The following KIDINS220 variants were observed in gnomAD, a reference collection of about 807,000 sequenced individuals.
KIDINS220 encodes kinase D-interacting substrate of 220 kDa.
KIDINS220 carries 63 observed loss-of-function variants against 157.6 expected under a neutral mutation model. The ratio of observed to expected loss-of-function variants is 0.40; its 90% confidence interval spans 0.33 to 0.49. The LOEUF is 0.49. KIDINS220 is among the 20% of genes least tolerant of loss of function. KIDINS220 has a pLI of 0.66. For synonymous variants in KIDINS220, 732 were observed against 783.6 expected, an observed-to-expected ratio of 0.93 and a Z score of 1.10; for missense variants, 1,772 against 2,171.2, an observed-to-expected ratio of 0.82 and a Z score of 3.65.
At position 8,785,336 on chromosome 2, in the gene KIDINS220, G is replaced by T. The variant is rs1672254852; in HGVS notation, c.2229+405C>A. Among the ~76,000 whole-genome samples the T allele has an allele frequency of 2.0e-5, 3 of 152,148 alleles. No homozygotes were observed. The South Asian group carries it at 6.2e-4, about 32-fold the overall frequency. On this transcript the variant is annotated intron_variant, in intron 17 of 29. Transcript: ENST00000256707. ...AATCTACTCTGTATAAGACTATAATGGTGGATACATGTTATACATTTGTCC... is the reference window on the plus strand; with the variant it reads ...AATCTACTCTGTATAAGACTATAATTGTGGATACATGTTATACATTTGTCC...
intron 29 of KIDINS220, among the ~76,000 whole-genome samples, chr2:8,733,024 G>C (rs775231836): frequency 6.6e-6 from 1 of 152,158 alleles, no homozygotes; most frequent in African/African-American, 2.4e-5. Context: ...GGGTGTGCAG[G>C]CGTCCTGGAA....
intron 22 of KIDINS220, among the ~76,000 whole-genome samples, chr2:8,766,897 A>G (rs1669562638): frequency 6.6e-6 from 1 of 152,334 alleles, no homozygotes; most frequent in East Asian, 1.9e-4. Context: ...CAATTGTCCA[A>G]TTTTCACAAA....
chr2:8,818,630 T>C lies in KIDINS220; in HGVS notation c.207+65A>G, dbSNP rs1323005587. The stretch of plus-strand genomic sequence containing the variant: ...TTAATTACTACTTTTGAATCACTTC[T>C]GAAAAACAAAAAAATAGCTAAGAAA... On this transcript the variant is annotated intron_variant, in intron 3 of 29. Transcript: ENST00000256707. The C allele has an allele frequency of 6.0e-6, 6 of 996,816 alleles. No homozygotes were observed. In the South Asian group the frequency reaches 9.4e-5, roughly 16 times the overall value. The allele number at this position is 996,816 out of a possible 1,614,324, so 61.7% of individuals were successfully genotyped here.
At chr2:8,756,576 T>C (rs915032056) in intron 22 of KIDINS220, among the ~76,000 whole-genome samples, 3 of 152,208 alleles carry the variant, frequency 2.0e-5, no homozygotes, top group African/African-American at 7.2e-5. Context: ...CTTGAAGTTC[T>C]GGAGGCTGGA....
chr2:8,826,874 G>A (rs1382670374), intron 2 of KIDINS220, 112 bp downstream of exon 2: 6 of 547,584 alleles, frequency 1.1e-5, no homozygotes, highest in Non-Finnish European at 2.0e-5. Context: ...TAAGTACAGT[G>A]CAGTATTACT....
intron 11 of KIDINS220, 63 bp from the exon 12 acceptor site, chr2:8,794,050 C>T (rs1673567637): frequency 8.2e-7 from 1 of 1,226,850 alleles, no homozygotes; most frequent in African/African-American, 1.5e-5. Context: ...CAGACAGTAA[C>T]AATTTTCATG....
intron 22 of KIDINS220, among the ~76,000 whole-genome samples, chr2:8,767,249 A>G (rs930310092): frequency 1.3e-5 from 2 of 152,190 alleles, no homozygotes; most frequent in African/African-American, 4.8e-5. Context: ...ATAAAGATGG[A>G]AACAATAATT....
intron 27 of KIDINS220, among the ~76,000 whole-genome samples, chr2:8,736,190 T>A (rs1472679311): frequency 6.6e-6 from 1 of 152,258 alleles, no homozygotes; most frequent in African/African-American, 2.4e-5. Flanking sequence ...TTATTAACGT[T>A]CTACTTTATT....
At chr2:8,745,674 C>A (rs1428994862) in intron 26 of KIDINS220, among the ~76,000 whole-genome samples, 2 of 152,082 alleles carry the variant, frequency 1.3e-5, no homozygotes, top group African/African-American at 4.8e-5. Flanking sequence ...TGGTGGGAGC[C>A]TGTAATCCCA....
downstream of KIDINS220, chr2:8,726,858 C>G: frequency 3.2e-6 from 4 of 1,230,970 alleles, no homozygotes; most frequent in Non-Finnish European, 4.3e-6. Context: ...ATGACTGCAG[C>G]TGACTTCGAA....
chr2:8,758,562 T>A (rs1668343581), intron 22 of KIDINS220, among the ~76,000 whole-genome samples: 1 of 152,200 alleles, frequency 6.6e-6, no homozygotes, highest in Admixed American at 6.5e-5. Flanking sequence ...GTTTTATGTC[T>A]CTCCACTCTA....
chr2:8,778,925 T>A lies in KIDINS220; in HGVS notation c.2585A>T (p.Asn862Ile), dbSNP rs769488189. 1 of 1,614,204 alleles carries A rather than the reference T, an allele frequency of 6.2e-7. No individual in the cohort carries two copies. Among genetic ancestry groups the A allele is most frequent in the Non-Finnish European group, 8.5e-7 (1 of 1,180,034 alleles). Residue 862 changes from asparagine (N) to isoleucine (I), a missense_variant, in exon 19 of 30, where the codon AAT (asparagine) becomes ATT (isoleucine). By Grantham distance (149) the Asn-to-Ile change is moderately radical (BLOSUM62 -3). Around this residue, in one of 3 missense-constraint regions of KIDINS220, gnomAD observed 725 missense variants for 1,017.1 expected, o/e 0.71. Coordinates refer to ENST00000256707, the MANE Select transcript of KIDINS220 (RefSeq NM_020738.4). ...ARKFLVTSATNGDVPCSDTTG... is the reference protein window; with the variant it reads ...ARKFLVTSATIGDVPCSDTTG... Reference sequence around the variant, plus strand: ...AGTATCTGAGCATGGAACGTCTCCATTTGTTGCTGAAGTTACGAGAAATTT... The same window carrying A: ...AGTATCTGAGCATGGAACGTCTCCAATTGTTGCTGAAGTTACGAGAAATTT...
downstream of KIDINS220, chr2:8,723,702 G>A (rs535000993): frequency 6.6e-6 from 1 of 152,078 alleles, no homozygotes; most frequent in Non-Finnish European, 1.5e-5. Context: ...CTACAGATAG[G>A]GTAAATCCAC....
downstream of KIDINS220, chr2:8,721,485 A>G (rs1337340157): frequency 6.6e-6 from 1 of 152,240 alleles, no homozygotes; most frequent in Non-Finnish European, 1.5e-5. Flanking sequence ...CTTTTTCTCC[A>G]TAAGTATAAT....
intron 27 of KIDINS220, among the ~76,000 whole-genome samples, chr2:8,736,217 T>C (rs1664835264): frequency 1.3e-5 from 2 of 152,206 alleles, no homozygotes; most frequent in African/African-American, 4.8e-5. Flanking sequence ...TACTCTGATA[T>C]AAAAAGTATA....
chr2:8,827,914 C>G (rs1300045356), intron 1 of KIDINS220, among the ~76,000 whole-genome samples: 1 of 152,194 alleles, frequency 6.6e-6, no homozygotes, highest in Admixed American at 6.5e-5. Flanking sequence ...GAGATTCTGA[C>G]TCAGCAGGTC....
In KIDINS220 at chr2:8,830,041, C is replaced by A. The variant is rs1478875839; in HGVS notation, c.-36-2912G>T. ...GTGCTCCTTCCATGTAGAACACCAT[C>A]CTCATCTCTACTCTACCAAGGCACC... is the stretch of plus-strand genomic sequence containing the variant. On this transcript the variant is annotated intron_variant, in intron 1 of 29. Coordinates refer to ENST00000256707, the MANE Select transcript of KIDINS220 (RefSeq NM_020738.4). Among the ~76,000 whole-genome samples, 4 of 152,094 alleles carry A rather than the reference C, an allele frequency of 2.6e-5. No individual in the cohort carries two copies. The East Asian group carries it at 5.8e-4, about 22-fold the overall frequency.
chr2:8,795,634 T>G (rs1673812354), intron 11 of KIDINS220, among the ~76,000 whole-genome samples: 1 of 152,242 alleles, frequency 6.6e-6, no homozygotes, highest in Non-Finnish European at 1.5e-5. Flanking sequence ...CATGTGTATT[T>G]GTCAACAAGT....
At chr2:8,749,315 G>A (rs1267478240) in intron 24 of KIDINS220, 1 of 428,096 alleles carries the variant, frequency 2.3e-6, no homozygotes, top group Non-Finnish European at 4.7e-6. Context: ...TAGGTCCTAT[G>A]TTTTCTCGAA....
Sources: allele counts gnomAD v4.1 joint callset (sites outside exome capture counted in the v4.1 genomes callset), GRCh38; gene constraint gnomAD v4.1.1; regional missense constraint gnomAD v4.1.1; transcripts MANE v1.5; gene names NCBI Gene and HGNC (gene_info 2026-07-23, HGNC 2026-07-21).